Variants in STOX2 observed in about 807,000 individuals in gnomAD.
STOX2 encodes the protein storkhead-box protein 2.
In STOX2, 28 loss-of-function variants were observed where a neutral mutation model predicts 60.9. The ratio of observed to expected loss-of-function variants is 0.46; its 90% CI spans 0.34 to 0.63. The LOEUF is 0.63. STOX2 is among the 30% of genes least tolerant of loss of function. The pLI is 0.01. For missense variants in STOX2, 1,024 were observed against 1,187.7 expected (o/e 0.86, Z 2.03); for synonymous variants, 472 against 463.9 (o/e 1.02, Z -0.22).
intron 1 of STOX2, among the ~76,000 whole-genome samples, chr4:183,890,265 A>G (rs1292414420): frequency 6.6e-6 from 1 of 152,030 alleles, no homozygotes; most frequent in Non-Finnish European, 1.5e-5. Flanking sequence ...TGGGCAGATC[A>G]CGGGGTCAGG....
intron 1 of STOX2, among the ~76,000 whole-genome samples, chr4:183,971,852 C>A (rs770090076): frequency 6.6e-6 from 1 of 152,172 alleles, no homozygotes; most frequent in African/African-American, 2.4e-5. Context: ...CAAGAGGGAG[C>A]GTGTAGCTGA....
chr4:183,971,255 C>T (rs1393173996), intron 1 of STOX2, among the ~76,000 whole-genome samples: 1 of 152,204 alleles, frequency 6.6e-6, no homozygotes, highest in African/African-American at 2.4e-5. Context: ...TTTCTCTTCT[C>T]TGTTGTAATG....
rs373310561 is a variant in STOX2 at position 184,010,842 on chromosome 4, G to A, written c.2004G>A (p.Ser668=). 3.5e-5 allele frequency: 56 copies of A among 1,599,726 alleles called. No individual in the cohort carries two copies. Among genetic ancestry groups the A allele is most frequent in the Non-Finnish European group, 4.2e-5 (49 of 1,172,972 alleles). The change falls in exon 3 of 4, where the codon TCG becomes TCA. Residue 668 remains serine (S), a synonymous_variant. Coordinates refer to ENST00000308497, the MANE Select transcript of STOX2 (RefSeq NM_020225.3). The surrounding 1 kb of genome is among the most constrained non-coding windows in gnomAD (Gnocchi z 4.5). ...PKGPGGGPAA[S]GGVAEGIANG... ...GGCCGGGTGGGGGCCCCGCTGCTTC[G>A]GGAGGAGTGGCTGAAGGGATCGCCA...
chr4:183,803,376 T>C (rs1223949905), intron 1 of STOX2, among the ~76,000 whole-genome samples: 2 of 152,018 alleles, frequency 1.3e-5, no homozygotes, highest in African/African-American at 4.8e-5. Flanking sequence ...AAGCCTGGCC[T>C]AGAATTATTA....
chr4:183,989,169 G>GTTTTTTTTTTT (rs11421201), intron 1 of STOX2, among the ~76,000 whole-genome samples: 1 of 80,024 alleles, frequency 1.2e-5, no homozygotes. Flanking sequence ...ATTTTTTCTG[G>GTTTTTTTTTTT]TTTTTTTTTT....
At chr4:183,998,165 A>T (rs1024080806) in intron 1 of STOX2, among the ~76,000 whole-genome samples, 3 of 152,172 alleles carry the variant, frequency 2.0e-5, no homozygotes, top group Admixed American at 1.3e-4. Context: ...GTTCTTAGTT[A>T]TATAATAGGC....
intron 1 of STOX2, among the ~76,000 whole-genome samples, chr4:183,977,571 T>G (rs1732493440): frequency 2.0e-5 from 1 of 50,700 alleles, no homozygotes; most frequent in South Asian, 5.5e-4. Context: ...GTGTATCACA[T>G]TTTTAGTCCA....
At chr4:183,874,137 T>C (rs1236907849) in intron 1 of STOX2, among the ~76,000 whole-genome samples, 3 of 152,206 alleles carry the variant, frequency 2.0e-5, no homozygotes, top group Non-Finnish European at 4.4e-5. Flanking sequence ...TACCAATATC[T>C]TAGCAGATGG....
At chr4:184,014,270 G>A (rs1334880281) in intron 3 of STOX2, 6 of 152,192 alleles carry the variant, frequency 3.9e-5, no homozygotes, top group African/African-American at 1.2e-4. Flanking sequence ...GAAGGAAAAA[G>A]GGTAGAAACT....
chr4:183,880,594 C>T (rs73870939), intron 1 of STOX2, among the ~76,000 whole-genome samples: 12 of 152,066 alleles, frequency 7.9e-5, no homozygotes, highest in African/African-American at 2.9e-4. Context: ...TGTTTGGAGA[C>T]TAGGAGAACA....
intron 1 of STOX2, among the ~76,000 whole-genome samples, chr4:183,888,683 G>A (rs1227281231): frequency 1.3e-5 from 2 of 152,188 alleles, no homozygotes; most frequent in African/African-American, 4.8e-5. Flanking sequence ...TCTGGGCCCT[G>A]GGGCTTGGCA....
chr4:183,831,493 A>G (rs1043022139), intron 1 of STOX2, among the ~76,000 whole-genome samples: 7 of 150,242 alleles, frequency 4.7e-5, no homozygotes, highest in African/African-American at 1.8e-4. Context: ...AAAGTTTAGA[A>G]CTATGTACAT....
At chr4:183,844,110 A>T (rs912019641) in intron 1 of STOX2, among the ~76,000 whole-genome samples, 5 of 152,174 alleles carry the variant, frequency 3.3e-5, no homozygotes, top group Non-Finnish European at 1.5e-5. Context: ...CAATTTGGTG[A>T]ATTTGTATTT....
chr4:183,843,720 G>T (rs377500117), intron 1 of STOX2, among the ~76,000 whole-genome samples: 1 of 152,154 alleles, frequency 6.6e-6, no homozygotes, highest in Non-Finnish European at 1.5e-5. Flanking sequence ...TTAGCAAAAA[G>T]ATACTCTCGG....
intron 1 of STOX2, among the ~76,000 whole-genome samples, chr4:183,913,726 G>A (rs531104536): frequency 1.4e-4 from 21 of 152,128 alleles, no homozygotes; most frequent in African/African-American, 4.8e-4. Context: ...AGCTGAGATC[G>A]CCTCACTGCA....
chr4:183,886,057 A>G (rs79861174), intron 1 of STOX2, among the ~76,000 whole-genome samples: 374 of 114,354 alleles, frequency 3.3e-3, no homozygotes, highest in Middle Eastern at 9.2e-3. Context: ...GGCAGATGCA[A>G]GATCAGGAGG....
chr4:183,809,797 A>G (rs1053673886), intron 1 of STOX2, among the ~76,000 whole-genome samples: 1 of 152,260 alleles, frequency 6.6e-6, no homozygotes, highest in Non-Finnish European at 1.5e-5. Flanking sequence ...ACAGAAAAAC[A>G]TACAGACTTT....
chr4:183,828,063 T>C (rs1739476487), intron 1 of STOX2, among the ~76,000 whole-genome samples: 1 of 152,164 alleles, frequency 6.6e-6, no homozygotes, highest in Non-Finnish European at 1.5e-5. Flanking sequence ...CAAATCAGGA[T>C]CCCAACAAAA....
chr4:183,946,715 T>C (rs1474951065), intron 1 of STOX2, among the ~76,000 whole-genome samples: 1 of 149,362 alleles, frequency 6.7e-6, no homozygotes, highest in Non-Finnish European at 1.5e-5. Context: ...AACCTCCGCC[T>C]CCCAGCTTCA....
Sources: allele counts gnomAD v4.1 joint callset (sites outside exome capture counted in the v4.1 genomes callset), GRCh38; gene constraint gnomAD v4.1.1; non-coding constraint Gnocchi (gnomAD v3.1); transcripts MANE v1.5; gene names NCBI Gene and HGNC (gene_info 2026-07-23, HGNC 2026-07-21).